The following AGMO variants were observed in gnomAD, a reference collection of about 807,000 sequenced individuals.
AGMO encodes glyceryl-ether monooxygenase.
Under a neutral mutation model 60.2 loss-of-function variants are expected in AGMO, and 75 were observed. The observed-to-expected ratio is 1.25, with a 90% CI of 1.03 to 1.51. The LOEUF is 1.51. Ranked by LOEUF, AGMO falls within the 40% of genes most tolerant of loss-of-function variation. The probability of loss-of-function intolerance (pLI) is 0.00; values close to 1 mark genes in which losing one functional copy is unlikely to be tolerated. For missense variants in AGMO, 763 were observed against 525.5 expected, an observed-to-expected ratio of 1.45 and a Z score of -4.42; for synonymous variants, 261 against 177.1, an observed-to-expected ratio of 1.47 and a Z score of -3.76.
chr7:15,343,438 G>C (rs181811250), intron 12 of AGMO, among the ~76,000 whole-genome samples: 124 of 152,102 alleles, frequency 8.2e-4, no homozygotes, highest in Non-Finnish European at 1.2e-3. Context: ...CCAAATCTTA[G>C]GATTAAGAGA....
chr7:15,560,123 G>GT lies in AGMO; in HGVS notation c.257+17dup. ...AATTTCAGTTTTTATGCTCAGCGTT[G>GT]TTGACCATCTAACTCACCTTGGAAG... On this transcript the variant is annotated intron_variant, in intron 2 of 12. Coordinates refer to ENST00000342526, the MANE Select transcript of AGMO (RefSeq NM_001004320.2). 6.3e-7 allele frequency: 1 copy of GT among 1,593,480 alleles called. No homozygotes were observed. Among genetic ancestry groups the GT allele is most frequent in the Non-Finnish European group, 8.6e-7 (1 of 1,166,168 alleles).
intron 12 of AGMO, among the ~76,000 whole-genome samples, chr7:15,268,684 T>C (rs901809998): frequency 2.0e-5 from 3 of 151,422 alleles, no homozygotes; most frequent in Non-Finnish European, 2.9e-5. Context: ...CATAGTCAAA[T>C]AAAGTTGTTC....
chr7:15,557,174 C>T (rs1452781693), intron 2 of AGMO, among the ~76,000 whole-genome samples: 1 of 152,000 alleles, frequency 6.6e-6, no homozygotes, highest in Non-Finnish European at 1.5e-5. Flanking sequence ...AAAGTCTGCA[C>T]ACAACATTTC....
the AGMO span, among the ~76,000 whole-genome samples, chr7:15,121,441 G>A: frequency 6.6e-6 from 1 of 152,134 alleles, no homozygotes; most frequent in Non-Finnish European, 1.5e-5. Flanking sequence ...CCCACCAACA[G>A]TGTAAAAGCG....
chr7:15,546,682 G>A (rs1207275426), intron 2 of AGMO, among the ~76,000 whole-genome samples: 4 of 152,208 alleles, frequency 2.6e-5, no homozygotes, highest in Non-Finnish European at 4.4e-5. Flanking sequence ...GAGGCCAAGG[G>A]TTCCCAAAGT....
chr7:15,540,995 T>C (rs1784613473), intron 3 of AGMO, among the ~76,000 whole-genome samples: 2 of 152,248 alleles, frequency 1.3e-5, no homozygotes, highest in African/African-American at 4.8e-5. Flanking sequence ...TCCCAAGCAG[T>C]AATTATCAGC....
the AGMO span, among the ~76,000 whole-genome samples, chr7:15,161,635 CATAT>C: frequency 1.3e-5 from 2 of 149,540 alleles, no homozygotes; most frequent in East Asian, 4.0e-4. Flanking sequence ...TATATTCATA[CATAT>C]ATATATATCA....
chr7:15,120,695 G>T, the AGMO span, among the ~76,000 whole-genome samples: 2 of 152,088 alleles, frequency 1.3e-5, no homozygotes, highest in Non-Finnish European at 2.9e-5. Context: ...CATGGCTGTT[G>T]TTGAAGCCAC....
chr7:15,208,050 A>G (rs1176922347), intron 12 of AGMO, among the ~76,000 whole-genome samples: 1 of 152,250 alleles, frequency 6.6e-6, no homozygotes, highest in African/African-American at 2.4e-5. Context: ...CGATTTATAA[A>G]TCATGAATCA....
chr7:15,385,845 T>G (rs1259219862), intron 9 of AGMO, among the ~76,000 whole-genome samples: 5 of 152,150 alleles, frequency 3.3e-5, no homozygotes, highest in Admixed American at 1.3e-4. Context: ...CCCTATTTGA[T>G]ATGTCCACGA....
chr7:15,481,890 T>A (rs1782762241), intron 3 of AGMO, among the ~76,000 whole-genome samples: 1 of 145,232 alleles, frequency 6.9e-6, no homozygotes, highest in African/African-American at 2.6e-5. Flanking sequence ...AAGACAGGAA[T>A]CAATAAGAAA....
intron 12 of AGMO, among the ~76,000 whole-genome samples, chr7:15,357,862 C>T (rs6957781): frequency 0.55 from 83,917 of 152,078 alleles, 24,274 homozygotes; most frequent in African/African-American, 0.75. Flanking sequence ...TCTTCATTTG[C>T]TTTAAGCCAT....
chr7:15,509,526 A>AT (rs1300174060), intron 3 of AGMO, among the ~76,000 whole-genome samples: 1 of 151,992 alleles, frequency 6.6e-6, no homozygotes, highest in Non-Finnish European at 1.5e-5. Context: ...GACCTTGGAA[A>AT]TTTTTTTTCT....
intron 12 of AGMO, among the ~76,000 whole-genome samples, chr7:15,247,459 C>CAGAGAGAGAGAGAGAGAGAGAG (rs35939832): frequency 3.5e-5 from 4 of 115,262 alleles, no homozygotes; most frequent in Non-Finnish European, 5.2e-5. Flanking sequence ...CACACACACA[C>CAGAGAGAGAGAGAGAGAGAGAG]AGAGAGAGAG....
At chr7:15,198,251 G>GAGAGAGAGAGAGAGAGAGAC, downstream of AGMO, among the ~76,000 whole-genome samples, 3 of 74,374 alleles carry the variant, frequency 4.0e-5, no homozygotes, top group African/African-American at 1.9e-4. Context: ...GAGAGAGAGA[G>GAGAGAGAGAGAGAGAGAGAC]AGAGACAGAG....
intron 3 of AGMO, among the ~76,000 whole-genome samples, chr7:15,440,514 G>A (rs1169235096): frequency 1.3e-5 from 2 of 152,098 alleles, no homozygotes; most frequent in East Asian, 3.9e-4. Flanking sequence ...GTGTATTTAT[G>A]TATATTTGCT....
chr7:15,423,211 C>A (rs1170349317), intron 4 of AGMO, among the ~76,000 whole-genome samples: 1 of 151,918 alleles, frequency 6.6e-6, no homozygotes, highest in Admixed American at 6.6e-5. Flanking sequence ...AATGTTCATC[C>A]GAATTCAGAA....
At chr7:15,151,097 C>A in the AGMO span, among the ~76,000 whole-genome samples, 2 of 152,000 alleles carry the variant, frequency 1.3e-5, no homozygotes, top group Non-Finnish European at 2.9e-5. Context: ...TTCTCTAGTT[C>A]GTGTGCACAG....
At chr7:15,126,080 C>T in the AGMO span, among the ~76,000 whole-genome samples, 45 of 152,022 alleles carry the variant, frequency 3.0e-4, no homozygotes, top group African/African-American at 1.1e-3. Flanking sequence ...GAGCTAGGAG[C>T]TAGGCACACA....
Sources: gnomAD v4.1 joint callset for allele counts (sites outside exome capture counted in the v4.1 genomes callset) on GRCh38, gnomAD v4.1.1 for gene constraint, MANE v1.5 for transcripts, NCBI Gene and HGNC (gene_info 2026-07-23, HGNC 2026-07-21) for gene names.